The following CRB1 variants were observed in gnomAD, a reference collection of about 807,000 sequenced individuals.
CRB1 encodes crumbs cell polarity complex component 1, also known as protein crumbs homolog 1.
CRB1 carries 83 observed loss-of-function variants against 120.0 expected under a neutral mutation model. The ratio of observed to expected loss-of-function variants is 0.69; its 90% CI spans 0.58 to 0.83. The LOEUF (loss-of-function observed/expected upper bound fraction) is 0.83, where lower values mean the gene tolerates loss of function less well. Among genes scored for constraint, CRB1 ranks in the 40% least tolerant of loss-of-function variants. The pLI, the probability that CRB1 is intolerant of heterozygous loss-of-function variation, is 0.00. For missense variants in CRB1, 1,699 were observed against 1,687.6 expected (o/e 1.01, Z -0.12); for synonymous variants, 625 against 612.5 (o/e 1.02, Z -0.30).
chr1:197,467,229 G>GA (rs1666788421), intron 11 of CRB1, among the ~76,000 whole-genome samples: 2 of 151,890 alleles, frequency 1.3e-5, no homozygotes, highest in East Asian at 3.9e-4. Context: ...AAAGAGAATT[G>GA]AAAAAAAGTT....
intron 4 of CRB1, among the ~76,000 whole-genome samples, chr1:197,354,380 C>A (rs1331489958): frequency 2.0e-5 from 3 of 152,144 alleles, no homozygotes; most frequent in African/African-American, 7.2e-5. Flanking sequence ...ATTGACTCTT[C>A]AAGAATGAAG....
chr1:197,250,604 A>G, the CRB1 span, among the ~76,000 whole-genome samples: 1 of 152,134 alleles, frequency 6.6e-6, no homozygotes, highest in South Asian at 2.1e-4. Flanking sequence ...CAGCAGCATT[A>G]GGGGCGTAGA....
the CRB1 span, among the ~76,000 whole-genome samples, chr1:197,242,143 T>C: frequency 6.6e-6 from 1 of 152,168 alleles, no homozygotes; most frequent in Non-Finnish European, 1.5e-5. Flanking sequence ...AGAGACAATT[T>C]GACTTCCTCT....
chr1:197,235,306 G>A, the CRB1 span, among the ~76,000 whole-genome samples: 3 of 152,080 alleles, frequency 2.0e-5, no homozygotes, highest in Admixed American at 6.6e-5. Flanking sequence ...ACTGTCACCC[G>A]TGCACTTCAG....
intron 9 of CRB1, among the ~76,000 whole-genome samples, chr1:197,437,268 G>A (rs982046258): frequency 4.6e-5 from 7 of 152,198 alleles, no homozygotes; most frequent in Admixed American, 4.6e-4. Context: ...CCTATAAGAA[G>A]TTGTACATCT....
intron 5 of CRB1, among the ~76,000 whole-genome samples, chr1:197,365,213 T>C (rs1055580073): frequency 1.3e-5 from 2 of 152,220 alleles, no homozygotes; most frequent in Non-Finnish European, 2.9e-5. Context: ...GGTGAGAATG[T>C]TCCATGTCCT....
At chr1:197,473,824 A>G (rs958807111) in intron 11 of CRB1, among the ~76,000 whole-genome samples, 5 of 151,204 alleles carry the variant, frequency 3.3e-5, no homozygotes, top group African/African-American at 1.2e-4. Flanking sequence ...AGTGCCGTAT[A>G]TTTTAAGCAC....
chr1:197,219,867 G>C, the CRB1 span, among the ~76,000 whole-genome samples: 1 of 152,176 alleles, frequency 6.6e-6, no homozygotes, highest in Non-Finnish European at 1.5e-5. Context: ...CGGTTGTGTA[G>C]TACTATCTCT....
the CRB1 span, among the ~76,000 whole-genome samples, chr1:197,227,131 A>T: frequency 2.0e-5 from 3 of 152,172 alleles, no homozygotes; most frequent in Non-Finnish European, 4.4e-5. Context: ...ATGCCTTCCC[A>T]ACAGTCCCCC....
At chr1:197,314,122 C>A (rs939962599) in intron 1 of CRB1, among the ~76,000 whole-genome samples, 1 of 152,134 alleles carries the variant, frequency 6.6e-6, no homozygotes, top group Non-Finnish European at 1.5e-5. Context: ...CCTCCCTGTT[C>A]TTTTTCTCCT....
At chr1:197,391,962 G>A (rs547535656) in intron 5 of CRB1, among the ~76,000 whole-genome samples, 1 of 152,054 alleles carries the variant, frequency 6.6e-6, no homozygotes, top group African/African-American at 2.4e-5. Context: ...AACTTGGGGG[G>A]CCCAGTGCAA....
the CRB1 span, among the ~76,000 whole-genome samples, chr1:197,248,837 A>C: frequency 6.6e-6 from 1 of 151,958 alleles, no homozygotes; most frequent in Admixed American, 6.6e-5. Flanking sequence ...TTAAAACAAA[A>C]TGTGATGAAA....
the CRB1 span, among the ~76,000 whole-genome samples, chr1:197,210,587 G>A: frequency 6.6e-6 from 1 of 151,936 alleles, no homozygotes; most frequent in Non-Finnish European, 1.5e-5. Flanking sequence ...CTTCCAGTCA[G>A]TCAAACAATC....
chr1:197,409,847 A>G (rs1558116523), intron 5 of CRB1, among the ~76,000 whole-genome samples: 2 of 152,120 alleles, frequency 1.3e-5, no homozygotes, highest in Non-Finnish European at 2.9e-5. Context: ...CAGTGGCGCA[A>G]TCTCGGCTCA....
Position 197,408,124 on chromosome 1 carries a change from T to TA in CRB1, c.1172-12868dup, listed in dbSNP as rs1051156366. ...GTTGAGGAAAGTAAATCACAAATAT[T>TA]AAAAAAAAGAATACAATGTACTCTG... On this transcript the variant is annotated intron_variant, in intron 5 of 11. Coordinates refer to ENST00000367400, the MANE Select transcript of CRB1 (RefSeq NM_201253.3). Among the ~76,000 whole-genome samples the TA allele has an allele frequency of 3.2e-4, 48 of 151,944 alleles. No individual in the cohort carries two copies. The East Asian group carries it at 3.3e-3, about 10-fold the overall frequency.
At chr1:197,253,795 A>G in the CRB1 span, among the ~76,000 whole-genome samples, 6 of 152,094 alleles carry the variant, frequency 3.9e-5, no homozygotes, top group African/African-American at 1.4e-4. Context: ...TTAAGCTTAT[A>G]GTTTCATTTG....
In CRB1 at chr1:197,427,129, T is replaced by G. The variant is rs146827663; in HGVS notation, c.2129-325T>G. ...TGATATACCACCATTAAGGCCCATA[T>G]TTTAGGGCAGCAAAGGGGAGATTCT... On this transcript the variant is annotated intron_variant, in intron 6 of 11. Coordinates refer to ENST00000367400, the MANE Select transcript of CRB1 (RefSeq NM_201253.3). 1.1e-3 allele frequency among the ~76,000 whole-genome samples: 169 copies of G among 152,300 alleles called. 1 individual carries two copies. The highest frequency in any genetic ancestry group is 2.1e-3 in the Non-Finnish European group (141 of 68,034).
chr1:197,312,412 AAAAAC>A (rs1360534993), intron 1 of CRB1, among the ~76,000 whole-genome samples: 9 of 152,160 alleles, frequency 5.9e-5, no homozygotes, highest in Non-Finnish European at 1.0e-4. Flanking sequence ...AAAAATACAA[AAAAAC>A]AAAACAAACA....
At chr1:197,254,291 C>T in the CRB1 span, among the ~76,000 whole-genome samples, 3 of 151,944 alleles carry the variant, frequency 2.0e-5, no homozygotes, top group Non-Finnish European at 4.4e-5. Flanking sequence ...TTGGCCATTC[C>T]TTGTCCTGAG....
Sources: allele counts gnomAD v4.1 joint callset (sites outside exome capture counted in the v4.1 genomes callset), GRCh38; gene constraint gnomAD v4.1.1; transcripts MANE v1.5; gene names NCBI Gene and HGNC (gene_info 2026-07-23, HGNC 2026-07-21).